The following CRAT variants were observed in gnomAD, a reference collection of about 807,000 sequenced individuals.
CRAT encodes carnitine acetylase.
In CRAT, 66 loss-of-function variants were observed where a neutral mutation model predicts 73.7. That is an observed-to-expected ratio of 0.90 (90% CI 0.73 to 1.10). CRAT has a LOEUF of 1.10. CRAT is among the 50% of genes least tolerant of loss of function. The pLI is 0.00. For missense variants in CRAT, 745 were observed against 846.9 expected (o/e 0.88, Z 1.49); for synonymous variants, 321 against 343.2 (o/e 0.94, Z 0.71).
rs764993529 is a variant in CRAT, at chr9:129,095,588, T to C, written c.1690A>G (p.Met564Val). Reference sequence around the variant, plus strand: ...TCGGGGACCACGGGCCCGAAGAACATGACACAGTCTGTCTTGGCAGGGACC... The same window carrying C: ...TCGGGGACCACGGGCCCGAAGAACACGACACAGTCTGTCTTGGCAGGGACC... ...SQVPAKTDCV[M>V]FFGPVVPDGY... is the part of the protein sequence containing the mutation. The change falls in exon 14 of 14, where the codon ATG becomes GTG. Residue 564 changes from methionine to valine, a missense_variant. Physicochemically the swap from Met to Val is conservative, Grantham distance 21. Coordinates refer to ENST00000318080, the MANE Select transcript of CRAT (RefSeq NM_000755.5). 1 of 1,613,084 alleles carries C rather than the reference T, an allele frequency of 6.2e-7. No individual in the cohort carries two copies. The highest frequency in any genetic ancestry group is 8.5e-7 in the Non-Finnish European group (1 of 1,179,940).
chr9:129,100,370 C>G, intron 7 of CRAT, 141 bp downstream of exon 7: 1 of 1,040,222 alleles, frequency 9.6e-7, no homozygotes, highest in Non-Finnish European at 1.4e-6. Flanking sequence ...GTAATTACGG[C>G]AGCGTCCAGC....
intron 13 of CRAT, among the ~76,000 whole-genome samples, 163 bp downstream of exon 13, chr9:129,095,835 C>T (rs1271017955): frequency 1.3e-5 from 2 of 152,264 alleles, no homozygotes; most frequent in Non-Finnish European, 2.9e-5. Context: ...GGAGCACTGA[C>T]CCCTTCTCAG....
chr9:129,095,094 G>A lies in CRAT; in HGVS notation c.*303C>T, dbSNP rs2131427418. 2 of 458,996 alleles carry A rather than the reference G, an allele frequency of 4.4e-6. No homozygotes were observed. Among genetic ancestry groups the A allele is most frequent in the South Asian group, 5.1e-5 (2 of 39,216 alleles). 28.4% of individuals were successfully genotyped at this position (458,996 alleles called of 1,614,324 possible). ...GCTCTTGCCAGTCTCCTGCTCTGGA[G>A]GGCTGGTTCCCTTCCCCAGAGGAGG... On this transcript the variant is annotated 3_prime_UTR_variant, in exon 14 of 14. Coordinates refer to ENST00000318080, the MANE Select transcript of CRAT (RefSeq NM_000755.5).
intron 1 of CRAT, among the ~76,000 whole-genome samples, chr9:129,109,854 GA>G (rs920310005): frequency 1.4e-5 from 2 of 145,430 alleles, no homozygotes; most frequent in African/African-American, 5.0e-5. Context: ...CTGAGGGGTA[GA>G]TATAGCCAGG....
intron 5 of CRAT, 33 bp downstream of exon 5, chr9:129,102,367 C>T (rs201074512): frequency 2.7e-5 from 43 of 1,613,156 alleles, no homozygotes; most frequent in African/African-American, 1.9e-4. Flanking sequence ...GCAGCAGGGC[C>T]GGGGCTTGTA....
At chr9:129,097,209 C>A in intron 12 of CRAT, 41 bp downstream of exon 12, 1 of 1,502,424 alleles carries the variant, frequency 6.7e-7, no homozygotes, top group Non-Finnish European at 9.0e-7. Context: ...AGATGGCTGA[C>A]ACTAAGGGAC....
At chr9:129,105,153 C>T (rs1847940307) in intron 2 of CRAT, among the ~76,000 whole-genome samples, 2 of 152,138 alleles carry the variant, frequency 1.3e-5, no homozygotes, top group Non-Finnish European at 2.9e-5. Context: ...GATCCTCCCG[C>T]CTCGGCCTCC....
chr9:129,105,479 C>T (rs1304357645), intron 2 of CRAT, among the ~76,000 whole-genome samples: 1 of 152,122 alleles, frequency 6.6e-6, no homozygotes, highest in Non-Finnish European at 1.5e-5. Flanking sequence ...CACCACCATG[C>T]CTGGCTCATT....
Position 129,098,282 on chromosome 9 carries a change from A to G in CRAT, c.1295T>C (p.Phe432Ser). ...PKSEKLSPDA[F>S]IQMALQLAYY... ...GGCCAGCTGCAAAGCCATCTGGATG[A>G]AGGCATCTGGGCTTAGCTTCTCCGA... The change falls in exon 10 of 14, where the codon TTC becomes TCC. Residue 432 changes from phenylalanine to serine, a missense_variant. Physicochemically the swap from Phe to Ser is radical, Grantham distance 155. Coordinates refer to ENST00000318080, the MANE Select transcript of CRAT (RefSeq NM_000755.5). 6.2e-7 allele frequency: 1 copy of G among 1,614,010 alleles called. No individual in the cohort carries two copies. Among genetic ancestry groups the G allele is most frequent in the Non-Finnish European group, 8.5e-7 (1 of 1,180,032 alleles).
intron 6 of CRAT, among the ~76,000 whole-genome samples, chr9:129,100,969 GTCA>G (rs765379774): frequency 1.3e-5 from 2 of 152,154 alleles, no homozygotes; most frequent in Non-Finnish European, 2.9e-5. Context: ...AAGCCCAGGG[GTCA>G]CATGGGAGCT....
chr9:129,110,392 G>T lies in CRAT; in HGVS notation c.27+91C>A. On this transcript the variant is annotated intron_variant, in intron 1 of 13. Coordinates refer to ENST00000318080, the MANE Select transcript of CRAT (RefSeq NM_000755.5). This position sits in a 1 kb window ranked among gnomAD's most constrained non-coding sequence, Gnocchi z 5.3. ...TCAGCTGGAGGCCGGGTCGAACAGC[G>T]GCCGCAGGACGCGGTCTCCGTTCCC... 1.4e-5 allele frequency: 19 copies of T among 1,343,806 alleles called. No homozygotes were observed. Among genetic ancestry groups the T allele is most frequent in the Non-Finnish European group, 1.9e-5 (19 of 1,017,300 alleles). 83.2% of individuals were successfully genotyped at this position (1,343,806 alleles called of 1,614,324 possible). A position where few individuals can be genotyped will look rare whatever the true frequency, so the allele number is the denominator to read the frequency against.
At chr9:129,097,338 C>A in intron 11 of CRAT, 26 bp from the exon 12 acceptor site, 1 of 1,544,216 alleles carries the variant, frequency 6.5e-7, no homozygotes, top group Non-Finnish European at 8.8e-7. Context: ...TCAGAGGGAG[C>A]TGAAGCACTG....
chr9:129,096,118 GGCCTCCCC>G lies in CRAT; in HGVS notation c.1537_1544del (p.Gly513LeufsTer2). On this transcript the variant is annotated frameshift_variant, in exon 13 of 14. Coordinates refer to ENST00000318080, the MANE Select transcript of CRAT (RefSeq NM_000755.5). LOFTEE classifies it high-confidence loss of function. Reference sequence around the variant, plus strand: ...TCAGGCCCAGCAGGTGTCGATCAAAGGCCTCCCCGCGGATGGCCTGTTGGGGTGGGAGA... The same window carrying G: ...TCAGGCCCAGCAGGTGTCGATCAAAGGCGGATGGCCTGTTGGGGTGGGAGA... 6.2e-7 allele frequency: 1 copy of G among 1,613,474 alleles called. No individual in the cohort carries two copies. Among genetic ancestry groups the G allele is most frequent in the South Asian group, 1.1e-5 (1 of 91,074 alleles).
rs1848367139 is a variant in CRAT at position 129,110,554 on chromosome 9, A to C, written c.-45T>G. ...ACACGCAGTCCGCTCCGCCCCACACACCGGGCAAAGTCCGCGCCGCCGCCG... is the reference window on the plus strand; with the variant it reads ...ACACGCAGTCCGCTCCGCCCCACACCCCGGGCAAAGTCCGCGCCGCCGCCG... On this transcript the variant is annotated 5_prime_UTR_variant, in exon 1 of 14. Transcript: ENST00000318080. This position sits in a 1 kb window ranked among gnomAD's most constrained non-coding sequence, Gnocchi z 5.3. The C allele has an allele frequency of 6.4e-7, 1 of 1,551,740 alleles. No homozygotes were observed.
intron 1 of CRAT, chr9:129,108,878 T>C (rs1848185679): frequency 5.4e-6 from 7 of 1,300,084 alleles, no homozygotes; most frequent in Non-Finnish European, 7.1e-6. Flanking sequence ...GAGCAGAACC[T>C]AGCCAGAGGC....
Position 129,095,278 on chromosome 9 carries a change from T to G in CRAT, c.*119A>C. ...AGGATGCGGTCCGTGGCTCAGTAGA[T>G]TTGGGGGGACCAGGGAAGAGGGAAC... On this transcript the variant is annotated 3_prime_UTR_variant, in exon 14 of 14. Coordinates refer to ENST00000318080, the MANE Select transcript of CRAT (RefSeq NM_000755.5). 9.0e-7 allele frequency: 1 copy of G among 1,116,494 alleles called. No individual in the cohort carries two copies. The highest frequency in any genetic ancestry group is 1.3e-6 in the Non-Finnish European group (1 of 777,854). The allele number at this position is 1,116,494 out of a possible 1,614,324, so 69.2% of individuals were successfully genotyped here. A position where few individuals can be genotyped will look rare whatever the true frequency, so the allele number is the denominator to read the frequency against.
At chr9:129,099,753 A>T in intron 8 of CRAT, 113 bp downstream of exon 8, 1 of 816,654 alleles carries the variant, frequency 1.2e-6, no homozygotes, top group Non-Finnish European at 1.8e-6. Context: ...TTGGAAAAAA[A>T]CAGATTCCCA....
At chr9:129,109,319 G>C in intron 1 of CRAT, 1 of 1,283,924 alleles carries the variant, frequency 7.8e-7, no homozygotes, top group Non-Finnish European at 1.0e-6. Context: ...ACCAGGAAAA[G>C]GCCATCAGTG....
At position 129,094,930 on chromosome 9, in the gene CRAT, G is replaced by C; in HGVS notation, c.*467C>G. ...TCCACAGGAGCACAGCCGCAACGGA[G>C]GTGAAACCTCACACCCTGGCCCCTC... is the stretch of plus-strand genomic sequence containing the variant. On this transcript the variant is annotated 3_prime_UTR_variant, in exon 14 of 14. Coordinates refer to ENST00000318080, the MANE Select transcript of CRAT (RefSeq NM_000755.5). The C allele has an allele frequency of 5.4e-6, 1 of 185,260 alleles. No homozygotes were observed. Among genetic ancestry groups the C allele is most frequent in the South Asian group, 1.2e-4 (1 of 8,412 alleles). The allele number at this position is 185,260 out of a possible 1,614,324, so 11.5% of individuals were successfully genotyped here.
Sources: gnomAD v4.1 joint callset for allele counts (sites outside exome capture counted in the v4.1 genomes callset) on GRCh38, gnomAD v4.1.1 for gene constraint, Gnocchi (gnomAD v3.1) non-coding constraint, MANE v1.5 for transcripts, NCBI Gene and HGNC (gene_info 2026-07-23, HGNC 2026-07-21) for gene names.